The following UBE2R2 variants were observed in gnomAD, a reference collection of about 807,000 sequenced individuals.
UBE2R2 encodes ubiquitin conjugating enzyme E2 R2, also known as ubiquitin-conjugating enzyme E2 R2.
Under a neutral mutation model 27.8 loss-of-function variants are expected in UBE2R2, and 1 was observed. That is an observed-to-expected ratio of 0.04 (90% CI 0.01 to 0.17). UBE2R2 has a LOEUF of 0.17. UBE2R2 is among the 10% of genes least tolerant of loss of function. UBE2R2 has a pLI of 1.00. For missense variants in UBE2R2, 100 were observed against 291.0 expected (o/e 0.34, Z 4.78); for synonymous variants, 106 against 113.3 (o/e 0.94, Z 0.41).
intron 1 of UBE2R2, among the ~76,000 whole-genome samples, chr9:33,881,540 G>A (rs961313987): frequency 2.0e-5 from 3 of 152,032 alleles, no homozygotes; most frequent in Non-Finnish European, 2.9e-5. Context: ...TAGTTGTCCC[G>A]TCTTTTTAGT....
chr9:33,896,539 T>G (rs1822108696), intron 2 of UBE2R2, among the ~76,000 whole-genome samples: 1 of 151,716 alleles, frequency 6.6e-6, no homozygotes, highest in South Asian at 2.1e-4. Flanking sequence ...GCCTCCTGGG[T>G]TCAAGCGATT....
chr9:33,898,854 C>T (rs1822182916), intron 2 of UBE2R2, among the ~76,000 whole-genome samples: 1 of 152,178 alleles, frequency 6.6e-6, no homozygotes, highest in South Asian at 2.1e-4. Context: ...TTTTACCTAA[C>T]TTTATCTTTT....
intron 1 of UBE2R2, among the ~76,000 whole-genome samples, chr9:33,846,196 T>G (rs967265184): frequency 2.6e-5 from 4 of 151,722 alleles, no homozygotes; most frequent in South Asian, 2.1e-4. Context: ...CTTGGGAGGC[T>G]CAGGCAGGGG....
chr9:33,819,830 G>C (rs1426811739), intron 1 of UBE2R2, among the ~76,000 whole-genome samples: 1 of 152,124 alleles, frequency 6.6e-6, no homozygotes, highest in African/African-American at 2.4e-5. Context: ...GTAGAGATGG[G>C]GTTTCACCAT....
At chr9:33,834,412 G>A (rs1289383388) in intron 1 of UBE2R2, among the ~76,000 whole-genome samples, 9 of 151,394 alleles carry the variant, frequency 5.9e-5, no homozygotes, top group Admixed American at 5.9e-4. Context: ...GGGTTTCACC[G>A]TGTTGGTCAG....
In UBE2R2 at chr9:33,845,250, CTTT is replaced by C. The variant is rs775624392; in HGVS notation, c.177+27329_177+27331del. Among the ~76,000 whole-genome samples, 156 of 140,098 alleles carry C rather than the reference CTTT, an allele frequency of 1.1e-3. 2 individuals carry two copies. In the Middle Eastern group the frequency reaches 0.036, roughly 33 times the overall value. The allele number at this position is 140,098 out of a possible 152,430, so 91.9% of individuals were successfully genotyped here. ...CCAGGCTGGAGTGCAGTGGCACAAT[CTTT>C]TTTTTTTTTTTTAGACGGAGTCTTG... On this transcript the variant is annotated intron_variant, in intron 1 of 4. Transcript: ENST00000263228.
intron 1 of UBE2R2, among the ~76,000 whole-genome samples, chr9:33,865,838 T>G (rs560574586): frequency 6.6e-5 from 10 of 150,844 alleles, no homozygotes; most frequent in African/African-American, 2.2e-4. Context: ...TTTTTTTGTT[T>G]TTTTTTTTTT....
chr9:33,823,372 GA>G (rs199519362), intron 1 of UBE2R2, among the ~76,000 whole-genome samples: 12 of 149,834 alleles, frequency 8.0e-5, no homozygotes, highest in Admixed American at 3.3e-4. Context: ...AAATATAGTT[GA>G]AAAAAAATTT....
At chr9:33,845,206 G>A (rs1199467517) in intron 1 of UBE2R2, among the ~76,000 whole-genome samples, 2 of 150,984 alleles carry the variant, frequency 1.3e-5, no homozygotes, top group Non-Finnish European at 2.9e-5. Context: ...TTTTTGAGAC[G>A]GAGTTTCACT....
chr9:33,899,322 C>G lies in UBE2R2; in HGVS notation c.265-852C>G, dbSNP rs111352541. The stretch of plus-strand genomic sequence containing the variant: ...TCAAGCGATTCTCCTGCCTCAGCCT[C>G]CTGAGTAGCTGGGATTACAGGCGCG... On this transcript the variant is annotated intron_variant, in intron 2 of 4. Transcript: ENST00000263228. Among the ~76,000 whole-genome samples the G allele has an allele frequency of 3.5e-3, 530 of 152,232 alleles. 6 individuals are homozygous for G. The highest frequency in any genetic ancestry group is 0.012 in the African/African-American group (498 of 41,538).
intron 1 of UBE2R2, among the ~76,000 whole-genome samples, chr9:33,865,238 G>T (rs1000769149): frequency 6.6e-6 from 1 of 151,898 alleles, no homozygotes; most frequent in Non-Finnish European, 1.5e-5. Flanking sequence ...GTCTTGCTCT[G>T]TTGCCCAGGC....
chr9:33,896,750 T>C lies in UBE2R2; in HGVS notation c.265-3424T>C, dbSNP rs1400460269. Among the ~76,000 whole-genome samples the C allele has an allele frequency of 2.6e-5, 4 of 151,900 alleles. No homozygotes were observed. In the East Asian group the frequency reaches 7.7e-4, roughly 29 times the overall value. On this transcript the variant is annotated intron_variant, in intron 2 of 4. Coordinates refer to ENST00000263228, the MANE Select transcript of UBE2R2 (RefSeq NM_017811.4). ...GGCGTGAGCCACCGTGCCTAGCAACTGAGGGTTTTTAATAAATGCCCTTTA... is the reference window on the plus strand; with the variant it reads ...GGCGTGAGCCACCGTGCCTAGCAACCGAGGGTTTTTAATAAATGCCCTTTA...
chr9:33,832,344 C>A (rs1388992163), intron 1 of UBE2R2, among the ~76,000 whole-genome samples: 1 of 145,362 alleles, frequency 6.9e-6, no homozygotes, highest in Non-Finnish European at 1.5e-5. Context: ...TTATTTAATA[C>A]CCTTTGGTTG....
intron 1 of UBE2R2, among the ~76,000 whole-genome samples, chr9:33,819,539 GAT>G (rs1296129120): frequency 2.6e-5 from 4 of 152,108 alleles, no homozygotes; most frequent in Admixed American, 6.5e-5. Context: ...AAGTGGAAAA[GAT>G]ATTGCTGTGT....
At chr9:33,864,809 C>G (rs1361274535) in intron 1 of UBE2R2, among the ~76,000 whole-genome samples, 1 of 151,636 alleles carries the variant, frequency 6.6e-6, no homozygotes, top group Non-Finnish European at 1.5e-5. Context: ...ACTGCAACCT[C>G]CGCCTCCTGG....
intron 1 of UBE2R2, among the ~76,000 whole-genome samples, chr9:33,824,384 C>T (rs1019277989): frequency 3.9e-5 from 6 of 152,014 alleles, no homozygotes; most frequent in Admixed American, 3.9e-4. Flanking sequence ...TGCCTGTAAT[C>T]CTAGCACTTT....
At position 33,869,345 on chromosome 9, in the gene UBE2R2, A is replaced by AAT. The variant is rs372511830; in HGVS notation, c.178-17534_178-17533dup. Among the ~76,000 whole-genome samples the AAT allele has an allele frequency of 4.5e-3, 687 of 152,288 alleles. 6 individuals are homozygous for AAT. Among genetic ancestry groups the AAT allele is most frequent in the African/African-American group, 0.016 (646 of 41,552 alleles). ...ATTAGTAGGATAACAAAACTTATTT[A>AAT]ATACTGCACATTGGGGGTTACCTAA... is the stretch of plus-strand genomic sequence containing the variant. On this transcript the variant is annotated intron_variant, in intron 1 of 4. Coordinates refer to ENST00000263228, the MANE Select transcript of UBE2R2 (RefSeq NM_017811.4).
chr9:33,863,634 C>T (rs1821295851), intron 1 of UBE2R2, among the ~76,000 whole-genome samples: 1 of 152,014 alleles, frequency 6.6e-6, no homozygotes, highest in Non-Finnish European at 1.5e-5. Context: ...TCATTTTAAA[C>T]TTATATTAAG....
intron 1 of UBE2R2, among the ~76,000 whole-genome samples, chr9:33,861,190 G>C (rs1415930253): frequency 6.7e-6 from 1 of 150,150 alleles, no homozygotes; most frequent in African/African-American, 2.4e-5. Flanking sequence ...TCGATCTCCT[G>C]ACCTCATGAT....
Sources: gnomAD v4.1 joint callset for allele counts (sites outside exome capture counted in the v4.1 genomes callset) on GRCh38, gnomAD v4.1.1 for gene constraint, MANE v1.5 for transcripts, NCBI Gene and HGNC (gene_info 2026-07-23, HGNC 2026-07-21) for gene names.